MEIOC: variants seen among roughly 807,000 people sequenced by gnomAD.
The protein encoded by MEIOC is meiosis-specific coiled-coil domain-containing protein MEIOC.
MEIOC carries 9 observed loss-of-function variants against 85.3 expected under a neutral mutation model. The ratio of observed to expected loss-of-function variants is 0.11; its 90% CI spans 0.06 to 0.18. The LOEUF (loss-of-function observed/expected upper bound fraction) is 0.18. MEIOC is among the 10% of genes least tolerant of loss of function. MEIOC has a pLI of 1.00. For missense variants in MEIOC, 898 were observed against 1,129.4 expected (o/e 0.80, Z 2.94); for synonymous variants, 365 against 393.7 (o/e 0.93, Z 0.86).
At position 44,656,604 on chromosome 17, in the gene MEIOC, G is replaced by A. The variant is rs111493313; in HGVS notation, c.-10G>A. On this transcript the variant is annotated 5_prime_UTR_variant, in exon 1 of 8. Coordinates refer to ENST00000409122, the MANE Select transcript of MEIOC (RefSeq NM_001145080.3). ...CTGTGCCTAGTCCAGGAGAGGCTGG[G>A]GGGCGCCCCATGGAGGTGAGACGCG... is the stretch of plus-strand genomic sequence containing the variant. 1.4e-6 allele frequency: 2 copies of A among 1,471,770 alleles called. No homozygotes were observed. Among genetic ancestry groups the A allele is most frequent in the Non-Finnish European group, 1.8e-6 (2 of 1,109,024 alleles). 91.2% of individuals were successfully genotyped at this position (1,471,770 alleles called of 1,614,324 possible). A position where few individuals can be genotyped will look rare whatever the true frequency, so the allele number is the denominator to read the frequency against.
intron 1 of MEIOC, 75 bp downstream of exon 1, chr17:44,656,757 G>A: frequency 2.4e-6 from 3 of 1,262,400 alleles, no homozygotes; most frequent in Non-Finnish European, 3.2e-6. Context: ...AGGCTGAGGA[G>A]GGGGCGCGTC....
intron 3 of MEIOC, among the ~76,000 whole-genome samples, chr17:44,663,058 A>G (rs998053152): frequency 6.6e-6 from 1 of 152,210 alleles, no homozygotes; most frequent in Non-Finnish European, 1.5e-5. Context: ...ATGAGTTAAA[A>G]CTTTTAGATG....
chr17:44,673,325 G>A, intron 6 of MEIOC, 41 bp from the exon 7 acceptor site: 2 of 1,435,298 alleles, frequency 1.4e-6, no homozygotes, highest in Non-Finnish European at 1.9e-6. Flanking sequence ...TTAAGTTAAT[G>A]GCAGGACATG....
downstream of MEIOC, chr17:44,676,946 T>C: frequency 2.0e-6 from 2 of 984,958 alleles, no homozygotes; most frequent in Non-Finnish European, 2.4e-6. Context: ...ATTTTCTGTT[T>C]AAGCATTAGT....
At chr17:44,657,469 C>T (rs1971780158) in intron 2 of MEIOC, among the ~76,000 whole-genome samples, 1 of 149,642 alleles carries the variant, frequency 6.7e-6, no homozygotes, top group African/African-American at 2.5e-5. Flanking sequence ...CTGCAACCTC[C>T]GCCAGCCGGG....
downstream of MEIOC, chr17:44,676,844 C>G (rs1410636629): frequency 1.8e-6 from 1 of 544,348 alleles, no homozygotes; most frequent in Non-Finnish European, 2.3e-6. Flanking sequence ...AAAATATGCC[C>G]TTTGCAATAC....
chr17:44,664,504 C>T (rs1971881235), intron 3 of MEIOC, among the ~76,000 whole-genome samples: 1 of 152,128 alleles, frequency 6.6e-6, no homozygotes. Context: ...AACAAATGCT[C>T]ATTGGAGCAT....
Position 44,667,320 on chromosome 17 carries a change from G to A in MEIOC, c.1409G>A (p.Gly470Asp), listed in dbSNP as rs757433071. 6 of 1,613,746 alleles carry A rather than the reference G, an allele frequency of 3.7e-6. No individual in the cohort carries two copies. In the South Asian group the frequency reaches 6.6e-5, roughly 18 times the overall value. The change falls in exon 5 of 8, where the codon GGT (glycine) becomes GAT (aspartate). Residue 470 changes from glycine to aspartate, a missense_variant. Around this residue, in one of 2 missense-constraint regions of MEIOC, gnomAD observed 734 missense variants for 860.1 expected, o/e 0.85. Coordinates refer to ENST00000409122, the MANE Select transcript of MEIOC (RefSeq NM_001145080.3). ...LLSNSATSSGGINLNRPTWMN... is the reference protein window; with the variant it reads ...LLSNSATSSGDINLNRPTWMN... ...TCAAACTCAGCAACATCTTCAGGAG[G>A]TATCAATTTAAACAGACCAACTTGG...
At position 44,656,600 on chromosome 17, in the gene MEIOC, C is replaced by T; in HGVS notation, c.-14C>T. The T allele has an allele frequency of 6.8e-7, 1 of 1,469,752 alleles. No individual in the cohort carries two copies. Among genetic ancestry groups the T allele is most frequent in the Non-Finnish European group, 9.0e-7 (1 of 1,107,886 alleles). 91.0% of individuals were successfully genotyped at this position (1,469,752 alleles called of 1,614,324 possible). ...GGAGCTGTGCCTAGTCCAGGAGAGG[C>T]TGGGGGGCGCCCCATGGAGGTGAGA... is the stretch of plus-strand genomic sequence containing the variant. On this transcript the variant is annotated 5_prime_UTR_variant, in exon 1 of 8. Coordinates refer to ENST00000409122, the MANE Select transcript of MEIOC (RefSeq NM_001145080.3).
At position 44,657,166 on chromosome 17, in the gene MEIOC, A is replaced by G; in HGVS notation, c.109A>G (p.Asn37Asp). 6.4e-7 allele frequency: 1 copy of G among 1,551,594 alleles called. No individual in the cohort carries two copies. Among genetic ancestry groups the G allele is most frequent in the Non-Finnish European group, 8.7e-7 (1 of 1,146,986 alleles). The change falls in exon 2 of 8, where the codon AAC becomes GAC. Residue 37 changes from asparagine (N) to aspartate (D), a missense_variant. Physicochemically the swap from Asn to Asp is conservative, Grantham distance 23 (BLOSUM62 1). Coordinates refer to ENST00000409122, the MANE Select transcript of MEIOC (RefSeq NM_001145080.3). ...CCCCGGAGGTGCGAATCGCTGTTGGAACCTCGGCGCCGACGCCGGCAGCAG... is the reference window on the plus strand; with the variant it reads ...CCCCGGAGGTGCGAATCGCTGTTGGGACCTCGGCGCCGACGCCGGCAGCAG... ...AFPGGANRCW[N>D]LGADAGSRLT...
intron 3 of MEIOC, among the ~76,000 whole-genome samples, chr17:44,662,786 G>A (rs939551708): frequency 1.3e-5 from 2 of 152,148 alleles, no homozygotes; most frequent in African/African-American, 4.8e-5. Context: ...ACAGTAGCTG[G>A]GACTACAGGT....
intron 2 of MEIOC, among the ~76,000 whole-genome samples, chr17:44,661,682 G>T (rs1368073040): frequency 1.3e-5 from 2 of 151,976 alleles, no homozygotes; most frequent in Non-Finnish European, 2.9e-5. Context: ...CTCCCAAGTA[G>T]CTGGGACTAC....
chr17:44,656,796 C>T, intron 1 of MEIOC, 114 bp downstream of exon 1: 3 of 80,188 alleles, frequency 3.7e-5, no homozygotes, highest in Non-Finnish European at 6.8e-5. Context: ...GGCGGGTCGT[C>T]GGTGGGGAGG....
At chr17:44,671,390 C>T (rs1486139614) in intron 6 of MEIOC, among the ~76,000 whole-genome samples, 2 of 151,760 alleles carry the variant, frequency 1.3e-5, no homozygotes, top group East Asian at 3.9e-4. Flanking sequence ...ATTTTATTTT[C>T]TTTACAAAAA....
At chr17:44,657,037 C>T in intron 1 of MEIOC, 90 bp from the exon 2 acceptor site, 5 of 1,423,926 alleles carry the variant, frequency 3.5e-6, no homozygotes, top group South Asian at 1.3e-5. Flanking sequence ...TTGAGCCGAA[C>T]AGCCGAGGTA....
chr17:44,658,803 A>AAG (rs1971806036), intron 2 of MEIOC, among the ~76,000 whole-genome samples: 1 of 151,710 alleles, frequency 6.6e-6, no homozygotes, highest in Admixed American at 6.6e-5. Context: ...AAAAAAAAAA[A>AAG]AAAAAGAAAA....
chr17:44,666,895 C>T lies in MEIOC; in HGVS notation c.984C>T (p.Tyr328=). 6.2e-7 allele frequency: 1 copy of T among 1,609,004 alleles called. No individual in the cohort carries two copies. Among genetic ancestry groups the T allele is most frequent in the Non-Finnish European group, 8.5e-7 (1 of 1,177,172 alleles). Residue 328 remains tyrosine, a synonymous_variant, in exon 5 of 8, where the codon TAC becomes TAT. Coordinates refer to ENST00000409122, the MANE Select transcript of MEIOC (RefSeq NM_001145080.3). ...RYNENVDYCR[Y]PEYVHPNKAK... ...ATGAAAATGTAGATTATTGTAGATA[C>T]CCAGAGTATGTTCATCCTAATAAGG...
In MEIOC at chr17:44,674,436, G is replaced by A. The variant is rs1392559088; in HGVS notation, c.*240G>A. ...AGAGTTCTGAGTAGTCAGATAACAA[G>A]TTTAAGTAAATTAAATATTTCCTAA... On this transcript the variant is annotated 3_prime_UTR_variant, in exon 8 of 8. Coordinates refer to ENST00000409122, the MANE Select transcript of MEIOC (RefSeq NM_001145080.3). The A allele has an allele frequency of 4.1e-6, 5 of 1,228,452 alleles. No homozygotes were observed. The South Asian group carries it at 1.5e-4, about 36-fold the overall frequency. 76.1% of individuals were successfully genotyped at this position (1,228,452 alleles called of 1,614,324 possible).
chr17:44,657,507 C>T (rs1971780842), intron 2 of MEIOC, among the ~76,000 whole-genome samples: 1 of 150,800 alleles, frequency 6.6e-6, no homozygotes, highest in South Asian at 2.1e-4. Flanking sequence ...CCTCAGCTTC[C>T]TGAGGCACGC....
Sources: gnomAD v4.1 joint callset for allele counts (sites outside exome capture counted in the v4.1 genomes callset) on GRCh38, gnomAD v4.1.1 for gene constraint, gnomAD v4.1.1 regional missense constraint, MANE v1.5 for transcripts, NCBI Gene and HGNC (gene_info 2026-07-23, HGNC 2026-07-21) for gene names.